The following HS6ST2 variants were observed in gnomAD, a reference collection of about 807,000 sequenced individuals.
HS6ST2 encodes heparan-sulfate 6-O-sulfotransferase 2.
Under a neutral mutation model 33.0 loss-of-function variants are expected in HS6ST2, and 17 were observed. The ratio of observed to expected loss-of-function variants is 0.52; its 90% confidence interval spans 0.35 to 0.77. The LOEUF is 0.77. Among genes scored for constraint, HS6ST2 ranks in the 30% least tolerant of loss-of-function variants. The pLI is 0.01. For missense variants in HS6ST2, 519 were observed against 551.7 expected (o/e 0.94, Z 0.59); for synonymous variants, 248 against 237.1 (o/e 1.05, Z -0.42).
intron 2 of HS6ST2, among the ~76,000 whole-genome samples, chrX:132,802,929 T>C (rs1285091228): frequency 9.0e-6 from 1 of 110,537 alleles, no homozygotes; most frequent in Admixed American, 9.6e-5. Flanking sequence ...CTAGAGGAAA[T>C]TGCCTTGCTA....
intron 2 of HS6ST2, among the ~76,000 whole-genome samples, chrX:132,736,304 A>G (rs2064510366): frequency 1.8e-5 from 2 of 111,930 alleles, no homozygotes; most frequent in Admixed American, 1.9e-4. Context: ...GGTCTTAAGA[A>G]TAGCCCTCTT....
At chrX:132,794,871 T>C (rs2065160633) in intron 2 of HS6ST2, among the ~76,000 whole-genome samples, 1 of 110,429 alleles carries the variant, frequency 9.1e-6, no homozygotes, top group Non-Finnish European at 1.9e-5. Context: ...TTAGTCCTTC[T>C]GGCACCCATC....
intron 2 of HS6ST2, among the ~76,000 whole-genome samples, chrX:132,830,148 T>C (rs992104133): frequency 8.9e-6 from 1 of 111,899 alleles, no homozygotes; most frequent in African/African-American, 3.2e-5. Flanking sequence ...ATCAGGTAAT[T>C]GGTATCAAGC....
chrX:132,921,769 G>A (rs1372565561), intron 2 of HS6ST2, among the ~76,000 whole-genome samples: 2 of 112,086 alleles, frequency 1.8e-5, no homozygotes, highest in Admixed American at 9.5e-5. Context: ...CCCAAAGACT[G>A]TTTACCTTCC....
intron 2 of HS6ST2, among the ~76,000 whole-genome samples, chrX:132,729,635 G>T (rs1473695126): frequency 1.8e-5 from 2 of 111,654 alleles, no homozygotes; most frequent in African/African-American, 6.5e-5. Context: ...AAAGACATTT[G>T]CAAAATATAA....
chrX:132,944,416 C>T (rs1396905040), intron 2 of HS6ST2, among the ~76,000 whole-genome samples: 13 of 111,126 alleles, frequency 1.2e-4, no homozygotes, highest in African/African-American at 3.6e-4. Context: ...ATTGTGAAAA[C>T]GGCCGTACTG....
chrX:132,908,061 CA>C (rs1393551491), intron 2 of HS6ST2, among the ~76,000 whole-genome samples: 1 of 111,932 alleles, frequency 8.9e-6, no homozygotes, highest in Non-Finnish European at 1.9e-5. Flanking sequence ...AATTATAACT[CA>C]ATAACTTAAG....
intron 2 of HS6ST2, among the ~76,000 whole-genome samples, chrX:132,944,815 A>C (rs1398869655): frequency 5.4e-5 from 6 of 110,634 alleles, no homozygotes; most frequent in Non-Finnish European, 1.9e-5. Context: ...AGAAAGCTGA[A>C]ACTGGATCCC....
At chrX:132,952,020 G>GA (rs1359699903) in intron 2 of HS6ST2, among the ~76,000 whole-genome samples, 4 of 111,751 alleles carry the variant, frequency 3.6e-5, no homozygotes, top group Non-Finnish European at 7.5e-5. Context: ...ATGAATGACA[G>GA]AAAAAAACGG....
intron 2 of HS6ST2, among the ~76,000 whole-genome samples, chrX:132,950,194 C>G (rs1432401614): frequency 9.0e-6 from 1 of 111,635 alleles, no homozygotes; most frequent in Non-Finnish European, 1.9e-5. Context: ...GTCTATCTTT[C>G]CCACTCCTAC....
In HS6ST2 at chrX:132,628,728, C is replaced by T. The variant is rs771861958; in HGVS notation, c.1433G>A (p.Arg478Gln). Reference sequence around the variant, plus strand: ...TTTCTCAAACAGATATTGGGTCTTCCGCTGAAACTCAGTGAGGCCGAAGAA... The same window carrying T: ...TTTCTCAAACAGATATTGGGTCTTCTGCTGAAACTCAGTGAGGCCGAAGAA... ...MAFFGLTEFQ[R>Q]KTQYLFEKTF... The change falls in exon 5 of 5, where the codon CGG becomes CAG. Residue 478 changes from arginine to glutamine, a missense_variant. Physicochemically the swap from Arg to Gln is conservative, Grantham distance 43. Coordinates refer to ENST00000370833, the MANE Select transcript of HS6ST2 (RefSeq NM_001394073.1). 13 of 1,209,766 alleles carry T rather than the reference C, an allele frequency of 1.1e-5. No homozygotes were observed. The highest frequency in any genetic ancestry group is 8.8e-5 in the African/African-American group (5 of 57,124).
chrX:132,824,852 T>C (rs1418437596), intron 2 of HS6ST2, among the ~76,000 whole-genome samples: 2 of 112,493 alleles, frequency 1.8e-5, no homozygotes, highest in African/African-American at 6.5e-5. Flanking sequence ...TCTGATTTTA[T>C]TGAAATCCAC....
At chrX:132,700,299 A>G (rs192630584) in intron 3 of HS6ST2, among the ~76,000 whole-genome samples, 8 of 111,602 alleles carry the variant, frequency 7.2e-5, no homozygotes, top group South Asian at 3.8e-4. Context: ...GAGAAAATCA[A>G]TGGAGGTCTG....
chrX:132,834,499 G>A lies in HS6ST2; in HGVS notation c.947+122309C>T, dbSNP rs1374406395. 4.5e-5 allele frequency among the ~76,000 whole-genome samples: 5 copies of A among 112,123 alleles called. No homozygotes were observed. In the East Asian group the frequency reaches 1.4e-3, roughly 31 times the overall value. The stretch of plus-strand genomic sequence containing the variant: ...TCCTGTGGCAACATCATTATTTGAA[G>A]ACCCAAGGCTCAGGAAATTGCACTT... On this transcript the variant is annotated intron_variant, in intron 2 of 4. Coordinates refer to ENST00000370833, the MANE Select transcript of HS6ST2 (RefSeq NM_001394073.1).
intron 2 of HS6ST2, among the ~76,000 whole-genome samples, chrX:132,921,810 G>A (rs755357424): frequency 5.3e-4 from 60 of 112,173 alleles, no homozygotes; most frequent in African/African-American, 1.6e-3. Context: ...GAGTCAGCCC[G>A]GATCCCGCCT....
intron 2 of HS6ST2, among the ~76,000 whole-genome samples, chrX:132,782,326 A>G (rs148740218): frequency 0.012 from 1,367 of 111,830 alleles, 25 homozygotes; most frequent in African/African-American, 0.043. Flanking sequence ...ACCTCAAAAG[A>G]TCTCTGTCAG....
intron 4 of HS6ST2, 146 bp from the exon 5 acceptor site, chrX:132,629,239 C>T: frequency 3.2e-6 from 2 of 627,961 alleles, no homozygotes; most frequent in Non-Finnish European, 4.8e-6. Flanking sequence ...GTCCTGTAAA[C>T]TGTACTGCAG....
chrX:132,675,390 C>T lies in HS6ST2; in HGVS notation c.981-6191G>A, dbSNP rs758177926. Among the ~76,000 whole-genome samples, 3 of 111,773 alleles carry T rather than the reference C, an allele frequency of 2.7e-5. No individual in the cohort carries two copies. The East Asian group carries it at 8.5e-4, about 32-fold the overall frequency. ...CCCACTCTATGAGGATTTACAACTG[C>T]GTTACAAAGACTTGTATGCCAGAGG... On this transcript the variant is annotated intron_variant, in intron 3 of 4. Coordinates refer to ENST00000370833, the MANE Select transcript of HS6ST2 (RefSeq NM_001394073.1).
At chrX:132,743,590 C>G (rs1389164247) in intron 2 of HS6ST2, among the ~76,000 whole-genome samples, 6 of 111,526 alleles carry the variant, frequency 5.4e-5, no homozygotes, top group Non-Finnish European at 1.1e-4. Context: ...AAAGGCTTAC[C>G]TCACCTCACC....
Sources: gnomAD v4.1 joint callset for allele counts (sites outside exome capture counted in the v4.1 genomes callset) on GRCh38, gnomAD v4.1.1 for gene constraint, MANE v1.5 for transcripts, NCBI Gene and HGNC (gene_info 2026-07-23, HGNC 2026-07-21) for gene names.